DCTN1: variants seen among roughly 807,000 people sequenced by gnomAD.
DCTN1 encodes the protein dynactin subunit 1, also known as 150 kDa dynein-associated polypeptide.
A neutral mutation model predicts 161.2 loss-of-function variants in DCTN1; 61 were observed. The ratio of observed to expected loss-of-function variants is 0.38; its 90% confidence interval spans 0.31 to 0.47. The LOEUF (loss-of-function observed/expected upper bound fraction) is 0.47. Ranked by LOEUF, DCTN1 falls within the 20% of genes least tolerant of loss-of-function variation. The pLI is 0.99. For synonymous variants in DCTN1, 653 were observed against 632.4 expected, an observed-to-expected ratio of 1.03 and a Z score of -0.49; for missense variants, 1,404 against 1,623.7, an observed-to-expected ratio of 0.86 and a Z score of 2.33.
At chr2:74,388,506 A>G (rs2103777434) in intron 1 of DCTN1, among the ~76,000 whole-genome samples, 1 of 152,316 alleles carries the variant, frequency 6.6e-6, no homozygotes, top group South Asian at 2.1e-4. Context: ...AAATGTTACA[A>G]ATGTCACCAG....
chr2:74,377,889 C>T (rs535238083), intron 2 of DCTN1, 111 bp downstream of exon 2: 2 of 1,533,244 alleles, frequency 1.3e-6, no homozygotes, highest in African/African-American at 1.4e-5. Flanking sequence ...CTTCCACTCT[C>T]CCAACCAGAG....
chr2:74,373,067 G>T lies in DCTN1; in HGVS notation c.433-119C>A. On this transcript the variant is annotated intron_variant, in intron 6 of 31. Coordinates refer to ENST00000628224, the MANE Select transcript of DCTN1 (RefSeq NM_004082.5). ...AAGAAATAACAGGAATGGGGCTACAGTTAGCCACCCTCCCCCCCATCCCAT... is the reference window on the plus strand; with the variant it reads ...AAGAAATAACAGGAATGGGGCTACATTTAGCCACCCTCCCCCCCATCCCAT... 5.6e-6 allele frequency: 5 copies of T among 893,418 alleles called. No individual in the cohort carries two copies. In the South Asian group the frequency reaches 6.8e-5, roughly 12 times the overall value. 55.3% of individuals were successfully genotyped at this position (893,418 alleles called of 1,614,324 possible). A position where few individuals can be genotyped will look rare whatever the true frequency, so the allele number is the denominator to read the frequency against.
At chr2:74,363,686 T>C in intron 26 of DCTN1, 58 bp from the exon 27 acceptor site, 1 of 1,608,934 alleles carries the variant, frequency 6.2e-7, no homozygotes, top group South Asian at 1.1e-5. Context: ...GTTAGGTGAT[T>C]TGGGGGTTAC....
At chr2:74,388,038 A>G (rs921275968) in intron 1 of DCTN1, among the ~76,000 whole-genome samples, 2 of 151,822 alleles carry the variant, frequency 1.3e-5, no homozygotes, top group African/African-American at 4.8e-5. Context: ...TACAAAAATT[A>G]GCTGGGTGTG....
chr2:74,376,872 T>C, intron 4 of DCTN1, 110 bp from the exon 5 acceptor site: 3 of 932,760 alleles, frequency 3.2e-6, no homozygotes, highest in Non-Finnish European at 5.2e-6. Flanking sequence ...GGAGTCAGGG[T>C]GAGATGAGTA....
Position 74,362,704 on chromosome 2 carries a change from A to T in DCTN1, c.3555T>A (p.Leu1185=), listed in dbSNP as rs1674101019. Residue 1185 remains leucine (L), a synonymous_variant, in exon 30 of 32, where the codon CTT becomes CTA. Transcript: ENST00000628224. ...SPAAKSPSAQ[L]MEQVAQLKSL... is the part of the protein sequence containing the mutation. Reference sequence around the variant, plus strand: ...ACTTAAGCTGAGCCACTTGCTCCATAAGTTGGGCCGACGGGCTCTTGGCAG... The same window carrying T: ...ACTTAAGCTGAGCCACTTGCTCCATTAGTTGGGCCGACGGGCTCTTGGCAG... 1 of 1,613,902 alleles carries T rather than the reference A, an allele frequency of 6.2e-7. No individual in the cohort carries two copies. The highest frequency in any genetic ancestry group is 1.3e-5 in the African/African-American group (1 of 74,910).
intron 4 of DCTN1, 40 bp from the exon 5 acceptor site, chr2:74,376,802 T>A: frequency 6.3e-7 from 1 of 1,588,236 alleles, no homozygotes; most frequent in South Asian, 1.1e-5. Flanking sequence ...AGAGAACAGA[T>A]GTCCTGGGCA....
Position 74,370,366 on chromosome 2 carries a change from CAGA to C in DCTN1, c.1128-24_1128-22del, listed in dbSNP as rs1421504304. ...GCATCCTGCAGGGATGTGAGGAAGG[CAGA>C]AGGAGGAAAGCACGTGTCAGAGTCT... On this transcript the variant is annotated intron_variant, in intron 11 of 31. Transcript: ENST00000628224. The surrounding 1 kb of genome is among the most constrained non-coding windows in gnomAD (Gnocchi z 4.4). 17 of 1,613,996 alleles carry C rather than the reference CAGA, an allele frequency of 1.1e-5. No individual in the cohort carries two copies. The highest frequency in any genetic ancestry group is 2.2e-5 in the East Asian group (1 of 44,884).
upstream of DCTN1, chr2:74,380,664 G>A (rs565189616): frequency 2.3e-6 from 1 of 431,622 alleles, no homozygotes; most frequent in Non-Finnish European, 4.8e-6. Flanking sequence ...CTAAACTCTG[G>A]ACTCAGGGTC....
chr2:74,369,335 T>C lies in DCTN1; in HGVS notation c.1549A>G (p.Ile517Val), dbSNP rs755268270. 6.2e-7 allele frequency: 1 copy of C among 1,614,180 alleles called. No individual in the cohort carries two copies. Among genetic ancestry groups the C allele is most frequent in the Non-Finnish European group, 8.5e-7 (1 of 1,180,024 alleles). Reference protein sequence around the residue: ...QETVADYQQTIKKYRQLTAHL... With the variant: ...QETVADYQQTVKKYRQLTAHL... ...GCGGTCAGCTGGCGGTACTTCTTGA[T>C]GGTCTGCTGGTAGTCTGCAACCGTC... The change falls in exon 14 of 32, where the codon ATC becomes GTC. Residue 517 changes from isoleucine to valine, a missense_variant. Ile to Val is a conservative substitution (Grantham distance 29). Around this residue, in one of 9 missense-constraint regions of DCTN1, gnomAD observed 278 missense variants for 363.8 expected, o/e 0.76. Transcript: ENST00000628224. This position sits in a 1 kb window ranked among gnomAD's most constrained non-coding sequence, Gnocchi z 4.9.
chr2:74,377,710 T>C lies in DCTN1; in HGVS notation c.296A>G (p.Asp99Gly). 1.2e-6 allele frequency: 2 copies of C among 1,613,826 alleles called. No individual in the cohort carries two copies. The highest frequency in any genetic ancestry group is 1.7e-6 in the Non-Finnish European group (2 of 1,179,816). Residue 99 changes from aspartate to glycine, a missense_variant, in exon 3 of 32, where the codon GAT (aspartate) becomes GGT (glycine). Around this residue, in one of 9 missense-constraint regions of DCTN1, gnomAD observed 174 missense variants for 175.6 expected, o/e 0.99. Coordinates refer to ENST00000628224, the MANE Select transcript of DCTN1 (RefSeq NM_004082.5). ...VRQSQIQVFEDGADTTSPETP... is the reference protein window; with the variant it reads ...VRQSQIQVFEGGADTTSPETP... Reference sequence around the variant, plus strand: ...CTCTGGGGAAGTAGTATCTGCTCCATCTTCAAATACCTGGATCTGAGGCCA... The same window carrying C: ...CTCTGGGGAAGTAGTATCTGCTCCACCTTCAAATACCTGGATCTGAGGCCA...
chr2:74,379,660 T>C (rs3771748), intron 1 of DCTN1, among the ~76,000 whole-genome samples: 19,928 of 152,038 alleles, frequency 0.13, 1,694 homozygotes, highest in East Asian at 0.46. Context: ...AAGTAACAAA[T>C]AACAAAGCAG....
intron 26 of DCTN1, 61 bp from the exon 27 acceptor site, chr2:74,363,689 G>C: frequency 6.2e-7 from 1 of 1,604,910 alleles, no homozygotes; most frequent in Non-Finnish European, 8.5e-7. Flanking sequence ...AGGTGATTTG[G>C]GGGTTACGGG....
intron 1 of DCTN1, chr2:74,379,007 G>T: frequency 6.5e-6 from 1 of 153,274 alleles, no homozygotes; most frequent in Middle Eastern, 3.4e-3. Flanking sequence ...AGTAAATTGG[G>T]TGGATCTACC....
chr2:74,363,140 G>A lies in DCTN1; in HGVS notation c.3383C>T (p.Pro1128Leu), dbSNP rs751698014. ...ATGGGATAGCTTTGCAACATGCAGA[G>A]GGGGCAGGGATGCCAAGGATGCCTT... The part of the protein sequence containing the change: ...QMKASLASLP[P>L]LHVAKLSHEG... Residue 1128 changes from proline to leucine, a missense_variant, in exon 29 of 32, where the codon CCT (proline) becomes CTT (leucine). Around this residue, in one of 9 missense-constraint regions of DCTN1, gnomAD observed 311 missense variants for 298.9 expected, o/e 1.04. Transcript: ENST00000628224. The A allele has an allele frequency of 1.9e-6, 3 of 1,614,156 alleles. No individual in the cohort carries two copies. Among genetic ancestry groups the A allele is most frequent in the Admixed American group, 3.3e-5 (2 of 60,026 alleles).
intron 1 of DCTN1, among the ~76,000 whole-genome samples, chr2:74,386,050 G>A (rs1233278399): frequency 6.6e-6 from 1 of 152,114 alleles, no homozygotes; most frequent in East Asian, 1.9e-4. Flanking sequence ...TGTCTTTCTA[G>A]TCAGGATGCT....
At chr2:74,374,533 A>G in intron 5 of DCTN1, 193 bp from the exon 6 acceptor site, 2 of 1,406,056 alleles carry the variant, frequency 1.4e-6, no homozygotes, top group South Asian at 1.3e-5. Flanking sequence ...CCGGTGCGGC[A>G]GCTTCCCAGC....
At position 74,374,327 on chromosome 2, in the gene DCTN1, C is replaced by G. The variant is rs764615912; in HGVS notation, c.428G>C (p.Arg143Pro). The G allele has an allele frequency of 8.8e-6, 14 of 1,599,108 alleles. No homozygotes were observed. The highest frequency in any genetic ancestry group is 1.1e-5 in the Non-Finnish European group (13 of 1,170,558). ...GACGAGAGCAAGCAAGAGTACCTTTCGGGCTGTCGGTGCCTGTCTCATCAT... is the reference window on the plus strand; with the variant it reads ...GACGAGAGCAAGCAAGAGTACCTTTGGGGCTGTCGGTGCCTGTCTCATCAT... ...GLKPKKAPTA[R>P]KTTTRRPKPT... Residue 143 changes from arginine to proline, a missense_variant, in exon 6 of 32, where the codon CGA becomes CCA. Arg to Pro is a moderately radical substitution (Grantham distance 103). Coordinates refer to ENST00000628224, the MANE Select transcript of DCTN1 (RefSeq NM_004082.5).
chr2:74,369,040 A>G lies in DCTN1; in HGVS notation c.1701+58T>C. The G allele has an allele frequency of 1.3e-6, 2 of 1,561,564 alleles. No homozygotes were observed. The highest frequency in any genetic ancestry group is 2.2e-5 in the South Asian group (2 of 89,654). ...CCCTTCCCCCAGGAATCTGAAGCCC[A>G]GACCCCATACCAGTTCATCCCAGGC... On this transcript the variant is annotated intron_variant, in intron 15 of 31. Transcript: ENST00000628224. The surrounding 1 kb of genome is among the most constrained non-coding windows in gnomAD (Gnocchi z 4.9).
Sources: gnomAD v4.1 joint callset for allele counts (sites outside exome capture counted in the v4.1 genomes callset) on GRCh38, gnomAD v4.1.1 for gene constraint, gnomAD v4.1.1 regional missense constraint, Gnocchi (gnomAD v3.1) non-coding constraint, MANE v1.5 for transcripts, NCBI Gene and HGNC (gene_info 2026-07-23, HGNC 2026-07-21) for gene names.